Variants in TMEM132B observed in about 807,000 individuals in gnomAD.
TMEM132B encodes the protein transmembrane protein 132B.
In TMEM132B, 18 loss-of-function variants were observed where a neutral mutation model predicts 90.8. The observed-to-expected ratio is 0.20, with a 90% confidence interval of 0.14 to 0.29. The LOEUF is 0.29. Among genes scored for constraint, TMEM132B ranks in the 10% least tolerant of loss-of-function variants. The pLI, the probability that TMEM132B is intolerant of heterozygous loss-of-function variation, is 1.00. For synonymous variants in TMEM132B, 504 were observed against 523.3 expected, an observed-to-expected ratio of 0.96 and a Z score of 0.50; for missense variants, 1,096 against 1,326.8, an observed-to-expected ratio of 0.83 and a Z score of 2.70.
chr12:125,378,995 A>G (rs953060965), intron 2 of TMEM132B, among the ~76,000 whole-genome samples: 1 of 152,112 alleles, frequency 6.6e-6, no homozygotes, highest in African/African-American at 2.4e-5. Flanking sequence ...TGGTCTCTCT[A>G]CAAAGCACCT....
chr12:125,576,648 A>T (rs1350914556), intron 4 of TMEM132B, among the ~76,000 whole-genome samples: 1 of 151,954 alleles, frequency 6.6e-6, no homozygotes, highest in Admixed American at 6.6e-5. Flanking sequence ...TCAATTCCTA[A>T]TTTATTGAGT....
chr12:125,643,982 C>T (rs1257896120), intron 5 of TMEM132B, 94 bp from the exon 6 acceptor site: 15 of 1,125,640 alleles, frequency 1.3e-5, no homozygotes, highest in Non-Finnish European at 2.0e-5. Context: ...TCTAATAAAT[C>T]AGAGCTGCTG....
chr12:125,476,859 C>G (rs1881895898), intron 3 of TMEM132B, among the ~76,000 whole-genome samples: 1 of 152,106 alleles, frequency 6.6e-6, no homozygotes, highest in Non-Finnish European at 1.5e-5. Flanking sequence ...GCTGGCATTT[C>G]TTGGGATGCA....
chr12:125,447,828 T>C (rs1347866507), intron 3 of TMEM132B, among the ~76,000 whole-genome samples: 1 of 152,268 alleles, frequency 6.6e-6, no homozygotes, highest in Non-Finnish European at 1.5e-5. Context: ...TTATATTGTC[T>C]TCTGGCTTAC....
intron 2 of TMEM132B, among the ~76,000 whole-genome samples, chr12:125,368,611 G>C (rs1269763804): frequency 6.6e-6 from 1 of 152,202 alleles, no homozygotes; most frequent in Non-Finnish European, 1.5e-5. Context: ...AAAAGGTAGA[G>C]AAAGTAGAGA....
chr12:125,362,967 A>G (rs1878009109), intron 2 of TMEM132B, among the ~76,000 whole-genome samples: 1 of 152,104 alleles, frequency 6.6e-6, no homozygotes, highest in African/African-American at 2.4e-5. Flanking sequence ...TGGTAAGTTA[A>G]CTAGTCATTC....
At chr12:125,626,172 A>G (rs1231121060) in intron 5 of TMEM132B, among the ~76,000 whole-genome samples, 1 of 98,744 alleles carries the variant, frequency 1.0e-5, no homozygotes, top group African/African-American at 3.9e-5. Flanking sequence ...TAGATTTCCA[A>G]CTGACACCTT....
rs113594709 is a variant in TMEM132B, at chr12:125,204,403, A to G, written c.67+17537A>G. ...ACCCAGGCACTCTGCTTAGTCCTTT[A>G]TGTGGAGCATCTCATGAATCCTTTC... On this transcript the variant is annotated intron_variant, in intron 1 of 8. Transcript: ENST00000682704. Among the ~76,000 whole-genome samples the G allele has an allele frequency of 1.5e-5, 2 of 129,260 alleles. 1 individual carries two copies. The highest frequency in any genetic ancestry group is 1.6e-4 in the Admixed American group (2 of 12,406). The allele number at this position is 129,260 out of a possible 152,430, so 84.8% of individuals were successfully genotyped here.
At chr12:125,426,745 T>C (rs1412668556) in intron 3 of TMEM132B, among the ~76,000 whole-genome samples, 1 of 152,232 alleles carries the variant, frequency 6.6e-6, no homozygotes, top group Non-Finnish European at 1.5e-5. Flanking sequence ...TCCTGTTGCC[T>C]ATCTCAGTAA....
At chr12:125,276,901 C>T (rs997363786) in intron 1 of TMEM132B, among the ~76,000 whole-genome samples, 7 of 152,160 alleles carry the variant, frequency 4.6e-5, no homozygotes, top group South Asian at 2.1e-4. Context: ...CAGCCCTTCC[C>T]GGCAATCCAA....
intron 1 of TMEM132B, among the ~76,000 whole-genome samples, chr12:125,259,047 C>T (rs1874502604): frequency 6.6e-6 from 1 of 152,106 alleles, no homozygotes; most frequent in African/African-American, 2.4e-5. Flanking sequence ...GTGAGGATGA[C>T]TGTGCCAGTG....
At chr12:125,548,490 A>G (rs899081316) in intron 4 of TMEM132B, among the ~76,000 whole-genome samples, 2 of 152,214 alleles carry the variant, frequency 1.3e-5, no homozygotes, top group Non-Finnish European at 2.9e-5. Context: ...CCTATGAGAA[A>G]GTGACCTTTA....
At chr12:125,283,659 T>A (rs73233337) in intron 1 of TMEM132B, among the ~76,000 whole-genome samples, 3,127 of 152,306 alleles carry the variant, frequency 0.021, 51 homozygotes, top group Non-Finnish European at 0.031. Flanking sequence ...CGTCCAACAA[T>A]TTAGCCTCCG....
intron 5 of TMEM132B, among the ~76,000 whole-genome samples, chr12:125,607,249 TA>T (rs1885720100): frequency 6.6e-6 from 1 of 152,192 alleles, no homozygotes; most frequent in Non-Finnish European, 1.5e-5. Flanking sequence ...TTTAGATGAT[TA>T]AATGTCACAT....
At chr12:125,212,147 G>C (rs1056440406) in intron 1 of TMEM132B, among the ~76,000 whole-genome samples, 9 of 152,104 alleles carry the variant, frequency 5.9e-5, no homozygotes, top group African/African-American at 2.2e-4. Flanking sequence ...GCTTTGCTTT[G>C]TGTTCTGCTT....
chr12:125,298,566 C>T (rs1473844310), intron 1 of TMEM132B, among the ~76,000 whole-genome samples: 8 of 144,838 alleles, frequency 5.5e-5, no homozygotes, highest in East Asian at 2.2e-4. Context: ...CCCAGCTGCT[C>T]GGGAGGCTGA....
chr12:125,413,328 C>T (rs386087), intron 2 of TMEM132B, among the ~76,000 whole-genome samples: 53,170 of 151,696 alleles, frequency 0.35, 9,397 homozygotes, highest in East Asian at 0.45. Flanking sequence ...TTTCCCCCAT[C>T]TTCTTTTTTG....
chr12:125,642,261 C>T (rs1277331593), intron 5 of TMEM132B, among the ~76,000 whole-genome samples: 1 of 152,174 alleles, frequency 6.6e-6, no homozygotes, highest in Non-Finnish European at 1.5e-5. Flanking sequence ...CCATTTTCTT[C>T]TCTGAATGGA....
chr12:125,595,205 G>T (rs541562085), intron 5 of TMEM132B, among the ~76,000 whole-genome samples: 1 of 152,262 alleles, frequency 6.6e-6, no homozygotes, highest in East Asian at 1.9e-4. Context: ...CCATGAAGGG[G>T]GAGGGACCTA....
Sources: allele counts gnomAD v4.1 joint callset (sites outside exome capture counted in the v4.1 genomes callset), GRCh38; gene constraint gnomAD v4.1.1; transcripts MANE v1.5; gene names NCBI Gene and HGNC (gene_info 2026-07-23, HGNC 2026-07-21).